TRPC4: variants seen among roughly 807,000 people sequenced by gnomAD.
TRPC4 encodes the protein transient receptor potential cation channel subfamily C member 4, also known as short transient receptor potential channel 4.
A neutral mutation model predicts 99.4 loss-of-function variants in TRPC4; 49 were observed. That is an observed-to-expected ratio of 0.49 (90% CI 0.39 to 0.63). TRPC4 has a LOEUF of 0.63. Among genes scored for constraint, TRPC4 ranks in the 20% least tolerant of loss-of-function variants. The probability of loss-of-function intolerance (pLI) is 0.00; values close to 1 mark genes in which losing one functional copy is unlikely to be tolerated. For missense variants in TRPC4, 898 were observed against 1,152.9 expected, an observed-to-expected ratio of 0.78 and a Z score of 3.20; for synonymous variants, 454 against 425.9, an observed-to-expected ratio of 1.07 and a Z score of -0.81.
chr13:37,634,085 A>AT lies in TRPC4; in HGVS notation c.*2817dup, dbSNP rs1357262843. Reference sequence around the variant, plus strand: ...CAGACACAAAATTTAAGAAAAACAGATTTTTTAAGATTAAGAGAGTACGAA... The same window carrying AT: ...CAGACACAAAATTTAAGAAAAACAGATTTTTTTAAGATTAAGAGAGTACGAA... On this transcript the variant is annotated 3_prime_UTR_variant, in exon 11 of 11. Coordinates refer to ENST00000379705, the MANE Select transcript of TRPC4 (RefSeq NM_016179.4). Among the ~76,000 whole-genome samples, 1 of 152,084 alleles carries AT rather than the reference A, an allele frequency of 6.6e-6. No homozygotes were observed. The highest frequency in any genetic ancestry group is 1.5e-5 in the Non-Finnish European group (1 of 68,002).
chr13:37,715,008 G>A (rs1226504623), intron 3 of TRPC4, among the ~76,000 whole-genome samples: 6 of 152,190 alleles, frequency 3.9e-5, no homozygotes, highest in Non-Finnish European at 1.5e-5. Context: ...ATAAAGGCAT[G>A]TATGCATATG....
rs201860330 is a variant in TRPC4 at position 37,696,344 on chromosome 13, GAA to G, written c.898-4011_898-4010del. Among the ~76,000 whole-genome samples, 746 of 152,128 alleles carry G rather than the reference GAA, an allele frequency of 4.9e-3. 8 individuals are homozygous for G. The highest frequency in any genetic ancestry group is 0.018 in the African/African-American group (730 of 41,482). ...ACAGCCAAACCATATCAACTATCTAGAAAAGTGAACTAAAACATTAATTGTAC... is the reference window on the plus strand; with the variant it reads ...ACAGCCAAACCATATCAACTATCTAGAAGTGAACTAAAACATTAATTGTAC... On this transcript the variant is annotated intron_variant, in intron 3 of 10. Coordinates refer to ENST00000379705, the MANE Select transcript of TRPC4 (RefSeq NM_016179.4).
At chr13:37,771,076 A>G (rs1209934908) in intron 2 of TRPC4, among the ~76,000 whole-genome samples, 2 of 151,594 alleles carry the variant, frequency 1.3e-5, no homozygotes, top group Non-Finnish European at 3.0e-5. Context: ...CAATTGGGAA[A>G]CCAATATTGT....
At chr13:37,801,133 A>G (rs1205832971) in intron 1 of TRPC4, among the ~76,000 whole-genome samples, 1 of 152,156 alleles carries the variant, frequency 6.6e-6, no homozygotes, top group Non-Finnish European at 1.5e-5. Flanking sequence ...ATAAAAAAAT[A>G]TGTCCAAAAT....
chr13:37,746,476 G>A, intron 2 of TRPC4, 21 bp from the exon 3 acceptor site: 6 of 1,570,072 alleles, frequency 3.8e-6, no homozygotes, highest in African/African-American at 1.4e-5. Context: ...AAAAGGCAGA[G>A]GTGATGAATA....
chr13:37,818,856 T>C lies in TRPC4; in HGVS notation c.-27-35496A>G, dbSNP rs148718358. 8.9e-3 allele frequency among the ~76,000 whole-genome samples: 1,352 copies of C among 152,044 alleles called. 34 individuals are homozygous for C. The East Asian group carries it at 0.1, about 11-fold the overall frequency. ...TAGGAGAAATACCTAATGTAGATGATGGGTTGATAGGTGCAGCAAACCACC... is the reference window on the plus strand; with the variant it reads ...TAGGAGAAATACCTAATGTAGATGACGGGTTGATAGGTGCAGCAAACCACC... On this transcript the variant is annotated intron_variant, in intron 1 of 10. Transcript: ENST00000379705.
At chr13:37,808,981 T>C (rs1957603911) in intron 1 of TRPC4, among the ~76,000 whole-genome samples, 1 of 152,128 alleles carries the variant, frequency 6.6e-6, no homozygotes, top group Non-Finnish European at 1.5e-5. Context: ...TCAGTTTTTC[T>C]TTCAAAAGGG....
At chr13:37,738,053 C>A (rs1281036063) in intron 3 of TRPC4, among the ~76,000 whole-genome samples, 6 of 152,104 alleles carry the variant, frequency 3.9e-5, no homozygotes, top group Non-Finnish European at 8.8e-5. Context: ...GTTGTCTTTC[C>A]ATTCCCCAGG....
chr13:37,829,062 A>G (rs1301232730), intron 1 of TRPC4, among the ~76,000 whole-genome samples: 2 of 152,234 alleles, frequency 1.3e-5, no homozygotes, highest in Admixed American at 1.3e-4. Flanking sequence ...TTTTGCCATG[A>G]TTTCTTACAT....
chr13:37,737,226 G>GTAATAA lies in TRPC4; in HGVS notation c.897+8705_897+8710dup, dbSNP rs141469952. Among the ~76,000 whole-genome samples, 184 of 148,370 alleles carry GTAATAA rather than the reference G, an allele frequency of 1.2e-3. 1 individual carries two copies. Among genetic ancestry groups the GTAATAA allele is most frequent in the East Asian group, 4.8e-3 (24 of 4,964 alleles). On this transcript the variant is annotated intron_variant, in intron 3 of 10. Coordinates refer to ENST00000379705, the MANE Select transcript of TRPC4 (RefSeq NM_016179.4). ...GGGACCCAGGAACAGACAAAAAATAGTAATAATAATAATAATAATAATAAT... is the reference window on the plus strand; with the variant it reads ...GGGACCCAGGAACAGACAAAAAATAGTAATAATAATAATAATAATAATAATAATAAT...
At chr13:37,667,942 CTG>C (rs911928081) in intron 5 of TRPC4, among the ~76,000 whole-genome samples, 4 of 152,158 alleles carry the variant, frequency 2.6e-5, no homozygotes, top group African/African-American at 9.7e-5. Context: ...TGTGCCTGCT[CTG>C]TGTCAGGCAC....
chr13:37,674,212 C>A lies in TRPC4; in HGVS notation c.1374+16G>T. ...ATCAGAACATATGCTTTACCAACAA[C>A]ATAAATAATAGTTACCTTTACAAAT... On this transcript the variant is annotated intron_variant, in intron 5 of 10. Transcript: ENST00000379705. The A allele has an allele frequency of 1.9e-6, 3 of 1,564,446 alleles. No homozygotes were observed. Among genetic ancestry groups the A allele is most frequent in the Non-Finnish European group, 2.6e-6 (3 of 1,157,922 alleles).
At chr13:37,680,911 C>T (rs1177326429) in intron 4 of TRPC4, among the ~76,000 whole-genome samples, 1 of 152,136 alleles carries the variant, frequency 6.6e-6, no homozygotes, top group African/African-American at 2.4e-5. Context: ...TACTTGCTAA[C>T]CAGAGCATTT....
intron 1 of TRPC4, among the ~76,000 whole-genome samples, chr13:37,856,732 C>A (rs1566228503): frequency 2.0e-5 from 3 of 151,648 alleles, no homozygotes; most frequent in Non-Finnish European, 4.4e-5. Flanking sequence ...TCAACATACA[C>A]AAATCAATCA....
At chr13:37,741,170 G>T (rs1441224086) in intron 3 of TRPC4, among the ~76,000 whole-genome samples, 1 of 151,974 alleles carries the variant, frequency 6.6e-6, no homozygotes, top group Non-Finnish European at 1.5e-5. Flanking sequence ...TCACAATATT[G>T]TCAATCATGT....
intron 5 of TRPC4, among the ~76,000 whole-genome samples, chr13:37,671,140 A>C (rs1402415243): frequency 6.6e-6 from 1 of 152,166 alleles, no homozygotes; most frequent in Non-Finnish European, 1.5e-5. Context: ...ATAAATGCTT[A>C]TTGATTTGAT....
chr13:37,727,069 A>G (rs1211473585), intron 3 of TRPC4, among the ~76,000 whole-genome samples: 1 of 152,110 alleles, frequency 6.6e-6, no homozygotes, highest in African/African-American at 2.4e-5. Flanking sequence ...TGGGCAACAC[A>G]ATAAGCCAAT....
intron 2 of TRPC4, among the ~76,000 whole-genome samples, chr13:37,776,983 C>T (rs1956723193): frequency 6.6e-6 from 1 of 151,856 alleles, no homozygotes; most frequent in Non-Finnish European, 1.5e-5. Flanking sequence ...ATGCTAGTAC[C>T]AATATCTTAC....
chr13:37,814,603 A>T lies in TRPC4; in HGVS notation c.-27-31243T>A, dbSNP rs74047192. Among the ~76,000 whole-genome samples the T allele has an allele frequency of 6.5e-3, 983 of 151,960 alleles. 13 individuals are homozygous for T. Among genetic ancestry groups the T allele is most frequent in the African/African-American group, 0.022 (932 of 41,542 alleles). ...ATATTTAGGTATATGTTTAAGTGAA[A>T]GACTTGTAGTCTTGCATTCTTTCAC... On this transcript the variant is annotated intron_variant, in intron 1 of 10. Coordinates refer to ENST00000379705, the MANE Select transcript of TRPC4 (RefSeq NM_016179.4).
Sources: gnomAD v4.1 joint callset for allele counts (sites outside exome capture counted in the v4.1 genomes callset) on GRCh38, gnomAD v4.1.1 for gene constraint, MANE v1.5 for transcripts, NCBI Gene and HGNC (gene_info 2026-07-23, HGNC 2026-07-21) for gene names.